SERINC3: variants seen among roughly 807,000 people sequenced by gnomAD.
The protein encoded by SERINC3 is serine incorporator 3.
In SERINC3, 22 loss-of-function variants were observed where a neutral mutation model predicts 52.1. The observed-to-expected ratio is 0.42, with a 90% CI of 0.30 to 0.60. SERINC3 has a LOEUF of 0.60. Among genes scored for constraint, SERINC3 ranks in the 20% least tolerant of loss-of-function variants. SERINC3 has a pLI of 0.16. For missense variants in SERINC3, 564 were observed against 584.6 expected (o/e 0.96, Z 0.36); for synonymous variants, 226 against 212.7 (o/e 1.06, Z -0.54).
In SERINC3 at chr20:44,506,837, G is replaced by A; in HGVS notation, c.773C>T (p.Pro258Leu). 6 of 1,568,596 alleles carry A rather than the reference G, an allele frequency of 3.8e-6. No individual in the cohort carries two copies. Among genetic ancestry groups the A allele is most frequent in the Non-Finnish European group, 5.2e-6 (6 of 1,160,908 alleles). ...CVVASIISIH[P>L]KIQEHQPRSG... ...AGTAAACAATCATACCTGAATTTTTGGGTGGATCGATATAATAGAAGCCAC... is the reference window on the plus strand; with the variant it reads ...AGTAAACAATCATACCTGAATTTTTAGGTGGATCGATATAATAGAAGCCAC... The change falls in exon 6 of 10, where the codon CCA (proline) becomes CTA (leucine). Residue 258 changes from proline (P) to leucine (L), a missense_variant. By Grantham distance (98) the Pro-to-Leu change is moderately conservative. Coordinates refer to ENST00000342374, the MANE Select transcript of SERINC3 (RefSeq NM_006811.4).
chr20:44,520,237 G>A (rs1012157033), intron 1 of SERINC3, among the ~76,000 whole-genome samples: 1 of 152,110 alleles, frequency 6.6e-6, no homozygotes, highest in Non-Finnish European at 1.5e-5. Context: ...TTAGCTGGGC[G>A]TGGTGGCATA....
At chr20:44,514,618 G>A (rs951828139) in intron 1 of SERINC3, among the ~76,000 whole-genome samples, 4 of 152,224 alleles carry the variant, frequency 2.6e-5, no homozygotes, top group South Asian at 4.1e-4. Context: ...AAAATTAGCC[G>A]GGTGTGGTGG....
chr20:44,509,836 G>A (rs2064336151), intron 5 of SERINC3, 55 bp downstream of exon 5: 1 of 1,572,906 alleles, frequency 6.4e-7, no homozygotes, highest in East Asian at 2.2e-5. Context: ...GATTTTTATT[G>A]TACACCGTGC....
chr20:44,519,151 C>G (rs538453731), intron 1 of SERINC3, among the ~76,000 whole-genome samples: 1 of 152,316 alleles, frequency 6.6e-6, no homozygotes, highest in African/African-American at 2.4e-5. Context: ...CCAGCCTACA[C>G]TGCTTTACCT....
At position 44,510,006 on chromosome 20, in the gene SERINC3, T is replaced by C. The variant is rs759185220; in HGVS notation, c.498A>G (p.Ile166Met). The C allele has an allele frequency of 6.2e-7, 1 of 1,614,154 alleles. No homozygotes were observed. Among genetic ancestry groups the C allele is most frequent in the South Asian group, 1.1e-5 (1 of 91,088 alleles). ...GAATGAGGATGAAGAGGGCGGCCCC[T>C]ATCATGCCAACAACAAACCAGACTA... ...FSSVWFVVGM[I>M]GAALFILIQL... Residue 166 changes from isoleucine to methionine, a missense_variant, in exon 5 of 10, where the codon ATA (isoleucine) becomes ATG (methionine). Physicochemically the swap from Ile to Met is conservative, Grantham distance 10. Transcript: ENST00000342374.
Position 44,501,289 on chromosome 20 carries a change from G to T in SERINC3, c.1067C>A (p.Ser356Tyr). The T allele has an allele frequency of 6.2e-7, 1 of 1,614,004 alleles. No homozygotes were observed. Among genetic ancestry groups the T allele is most frequent in the Non-Finnish European group, 8.5e-7 (1 of 1,179,952 alleles). The change falls in exon 9 of 10, where the codon TCC becomes TAC. Residue 356 changes from serine to tyrosine, a missense_variant. Coordinates refer to ENST00000342374, the MANE Select transcript of SERINC3 (RefSeq NM_006811.4). ...LCLLYSSIRT[S>Y]TNSQVDKLTL... Reference sequence around the variant, plus strand: ...CAGCTTGTCTACTTGGCTATTAGTGGAAGTGCGGATGCTGGAAAGTGATCC... The same window carrying T: ...CAGCTTGTCTACTTGGCTATTAGTGTAAGTGCGGATGCTGGAAAGTGATCC...
Position 44,514,013 on chromosome 20 carries a change from A to G in SERINC3, c.67T>C (p.Cys23Arg), listed in dbSNP as rs1193471848. 3.1e-6 allele frequency: 5 copies of G among 1,614,070 alleles called. No individual in the cohort carries two copies. In the East Asian group the frequency reaches 8.9e-5, roughly 29 times the overall value. Residue 23 changes from cysteine (C) to arginine (R), a missense_variant, in exon 2 of 10, where the codon TGT becomes CGT. Transcript: ENST00000342374. The stretch of plus-strand genomic sequence containing the variant: ...TTAGGACAGCAACTACACAGCAAAC[A>G]TGAGGCACCGCTGCAGAGGCATGGA... ...WVPCLCSGAS[C>R]LLCSCCPNSK...
intron 1 of SERINC3, among the ~76,000 whole-genome samples, chr20:44,515,476 C>T (rs552681667): frequency 4.6e-4 from 70 of 152,164 alleles, no homozygotes; most frequent in African/African-American, 1.7e-3. Flanking sequence ...TGTATTAGTG[C>T]ATTTATATAA....
chr20:44,509,228 C>T (rs570739957), intron 5 of SERINC3, among the ~76,000 whole-genome samples: 4 of 152,180 alleles, frequency 2.6e-5, no homozygotes, highest in Non-Finnish European at 4.4e-5. Context: ...GTATGGGGCC[C>T]CTCTCTGAAT....
At chr20:44,510,118 G>C (rs933212156) in intron 4 of SERINC3, 90 bp from the exon 5 acceptor site, 3 of 1,255,416 alleles carry the variant, frequency 2.4e-6, no homozygotes, top group Middle Eastern at 1.9e-4. Flanking sequence ...ATTAAAACAA[G>C]ACAGAGGTGG....
At chr20:44,515,814 C>T (rs2064376871) in intron 1 of SERINC3, among the ~76,000 whole-genome samples, 1 of 150,182 alleles carries the variant, frequency 6.7e-6, no homozygotes, top group African/African-American at 2.5e-5. Context: ...CCACCCCCAG[C>T]TGATTTTTTT....
At chr20:44,502,619 G>A (rs1192642116) in intron 8 of SERINC3, among the ~76,000 whole-genome samples, 3 of 149,188 alleles carry the variant, frequency 2.0e-5, no homozygotes. Context: ...AAAATCAATT[G>A]TATTTCTTTT....
intron 7 of SERINC3, 82 bp downstream of exon 7, chr20:44,504,719 C>T (rs2064300417): frequency 8.9e-7 from 1 of 1,121,734 alleles, no homozygotes; most frequent in Non-Finnish European, 1.3e-6. Context: ...TTTGCTCTAG[C>T]TCTAGTTTTT....
rs1222676025 is a variant in SERINC3 at position 44,498,407 on chromosome 20, T to C, written c.*1889A>G. 1 of 152,080 alleles carries C rather than the reference T, an allele frequency of 6.6e-6. No individual in the cohort carries two copies. The highest frequency in any genetic ancestry group is 1.5e-5 in the Non-Finnish European group (1 of 68,050). The allele number at this position is 152,080 out of a possible 1,614,324, so 9.4% of individuals were successfully genotyped here. A position where few individuals can be genotyped will look rare whatever the true frequency, so the allele number is the denominator to read the frequency against. ...GGCTAACATGGTGAAACCCTGTCTC[T>C]ACTAAAAATACAAAAAAAATTAGCC... is the stretch of plus-strand genomic sequence containing the variant. On this transcript the variant is annotated 3_prime_UTR_variant, in exon 10 of 10. Transcript: ENST00000342374.
At chr20:44,511,203 T>C (rs2064345252) in intron 4 of SERINC3, 86 bp downstream of exon 4, 1 of 982,414 alleles carries the variant, frequency 1.0e-6, no homozygotes, top group South Asian at 1.4e-5. Context: ...TGTGAGCCAC[T>C]GCACCCGGCC....
chr20:44,521,392 C>T (rs1239559596), intron 1 of SERINC3, among the ~76,000 whole-genome samples: 4 of 152,180 alleles, frequency 2.6e-5, no homozygotes, highest in Non-Finnish European at 5.9e-5. Context: ...AATATTCAGG[C>T]CCTGGTTTCC....
chr20:44,502,413 T>C (rs2064285462), intron 8 of SERINC3, among the ~76,000 whole-genome samples: 1 of 151,330 alleles, frequency 6.6e-6, no homozygotes, highest in South Asian at 2.1e-4. Context: ...ACAGCAAGAC[T>C]GTTCCTAAAA....
At position 44,501,308 on chromosome 20, in the gene SERINC3, G is replaced by A; in HGVS notation, c.1056-8C>T. On this transcript the variant is annotated splice_region_variant and splice_polypyrimidine_tract_variant and intron_variant, in intron 8 of 9. Coordinates refer to ENST00000342374, the MANE Select transcript of SERINC3 (RefSeq NM_006811.4). Reference sequence around the variant, plus strand: ...TTAGTGGAAGTGCGGATGCTGGAAAGTGATCCCAAGGAAGACAAATCAGAA... The same window carrying A: ...TTAGTGGAAGTGCGGATGCTGGAAAATGATCCCAAGGAAGACAAATCAGAA... The A allele has an allele frequency of 6.2e-7, 1 of 1,611,582 alleles. No individual in the cohort carries two copies. The highest frequency in any genetic ancestry group is 8.5e-7 in the Non-Finnish European group (1 of 1,177,910).
In SERINC3 at chr20:44,514,047, T is replaced by A; in HGVS notation, c.40-7A>T. The A allele has an allele frequency of 6.2e-7, 1 of 1,613,590 alleles. No homozygotes were observed. The highest frequency in any genetic ancestry group is 8.5e-7 in the Non-Finnish European group (1 of 1,179,720). On this transcript the variant is annotated splice_polypyrimidine_tract_variant and splice_region_variant and intron_variant, in intron 1 of 9. Transcript: ENST00000342374. ...CGCTGCAGAGGCATGGAACCTGGAA[T>A]GAGCACACCATGGTCACCTGAGACC... is the stretch of plus-strand genomic sequence containing the variant.
Sources: gnomAD v4.1 joint callset for allele counts (sites outside exome capture counted in the v4.1 genomes callset) on GRCh38, gnomAD v4.1.1 for gene constraint, MANE v1.5 for transcripts, NCBI Gene and HGNC (gene_info 2026-07-23, HGNC 2026-07-21) for gene names.